The following ADGRL3 variants were observed in gnomAD, a reference collection of about 807,000 sequenced individuals.
ADGRL3 encodes the protein adhesion G protein-coupled receptor L3.
In ADGRL3, 62 loss-of-function variants were observed where a neutral mutation model predicts 153.5. That is an observed-to-expected ratio of 0.40 (90% CI 0.33 to 0.50). The LOEUF is 0.50. Ranked by LOEUF, ADGRL3 falls within the 20% of genes least tolerant of loss-of-function variation. The pLI is 0.47. For synonymous variants in ADGRL3, 710 were observed against 672.5 expected (o/e 1.06, Z -0.86); for missense variants, 1,641 against 1,859.4 (o/e 0.88, Z 2.16).
At chr4:61,344,508 T>C (rs1181687554) in intron 1 of ADGRL3, among the ~76,000 whole-genome samples, 2 of 152,184 alleles carry the variant, frequency 1.3e-5, no homozygotes, top group African/African-American at 4.8e-5. Flanking sequence ...TTCTGTCTAC[T>C]ATTCCCTTGA....
intron 2 of ADGRL3, among the ~76,000 whole-genome samples, chr4:61,447,534 G>T (rs570307461): frequency 6.6e-6 from 1 of 152,216 alleles, no homozygotes; most frequent in East Asian, 1.9e-4. Flanking sequence ...AGTGATTCAG[G>T]TTTGGTATAT....
intron 1 of ADGRL3, among the ~76,000 whole-genome samples, chr4:61,336,044 T>C (rs1399500554): frequency 6.6e-6 from 1 of 152,194 alleles, no homozygotes; most frequent in Non-Finnish European, 1.5e-5. Context: ...AAGTCATATA[T>C]ATATGGATAA....
intron 2 of ADGRL3, among the ~76,000 whole-genome samples, chr4:61,451,944 T>C (rs1460302918): frequency 1.3e-5 from 2 of 152,218 alleles, no homozygotes; most frequent in Non-Finnish European, 1.5e-5. Flanking sequence ...TTGTTATGTA[T>C]TGAACTTTGA....
chr4:61,869,936 TAAAAAA>T (rs1190618911), intron 9 of ADGRL3, among the ~76,000 whole-genome samples: 114 of 10,502 alleles, frequency 0.011, 1 homozygote, highest in Middle Eastern at 0.14. Context: ...AAAACTTTGT[TAAAAAA>T]AAAAAAAAAA....
intron 2 of ADGRL3, among the ~76,000 whole-genome samples, chr4:61,405,700 A>AT (rs1251076655): frequency 3.3e-5 from 5 of 151,904 alleles, no homozygotes; most frequent in Non-Finnish European, 7.4e-5. Flanking sequence ...GGAATCACAG[A>AT]TTTTTTACCC....
intron 1 of ADGRL3, among the ~76,000 whole-genome samples, chr4:61,362,996 TA>T (rs1368664743): frequency 6.6e-6 from 1 of 152,232 alleles, no homozygotes; most frequent in Non-Finnish European, 1.5e-5. Context: ...AAGCATACCA[TA>T]TTGACACCAA....
At chr4:61,755,492 T>G (rs2096816013) in intron 8 of ADGRL3, among the ~76,000 whole-genome samples, 1 of 152,214 alleles carries the variant, frequency 6.6e-6, no homozygotes, top group Non-Finnish European at 1.5e-5. Context: ...TAAATTTGTT[T>G]CAGTTCATTG....
chr4:61,302,885 G>A (rs2094626076), intron 1 of ADGRL3, among the ~76,000 whole-genome samples: 1 of 152,050 alleles, frequency 6.6e-6, no homozygotes, highest in African/African-American at 2.4e-5. Context: ...ATCAGGAATG[G>A]ATAAGAAAAT....
intron 17 of ADGRL3, among the ~76,000 whole-genome samples, chr4:61,969,760 G>T (rs1453399111): frequency 1.3e-5 from 2 of 152,106 alleles, no homozygotes; most frequent in Non-Finnish European, 2.9e-5. Flanking sequence ...CTGGTGTTAG[G>T]ATCACAGATC....
chr4:61,213,824 T>A (rs931506699), intron 1 of ADGRL3, among the ~76,000 whole-genome samples: 2 of 152,196 alleles, frequency 1.3e-5, no homozygotes, highest in Non-Finnish European at 2.9e-5. Flanking sequence ...ATCATGAATA[T>A]CCGAGTGCTG....
intron 4 of ADGRL3, among the ~76,000 whole-genome samples, chr4:61,563,796 T>A (rs1451258854): frequency 6.6e-6 from 1 of 151,970 alleles, no homozygotes; most frequent in Non-Finnish European, 1.5e-5. Context: ...GATCACAAGG[T>A]CAAGAAATTG....
intron 15 of ADGRL3, among the ~76,000 whole-genome samples, chr4:61,937,784 C>A (rs898568580): frequency 6.6e-6 from 1 of 152,300 alleles, no homozygotes; most frequent in Admixed American, 6.5e-5. Context: ...TATATACTCA[C>A]TACTTACGTA....
chr4:61,438,307 C>T (rs996944983), intron 2 of ADGRL3, among the ~76,000 whole-genome samples: 21 of 151,618 alleles, frequency 1.4e-4, no homozygotes, highest in African/African-American at 4.6e-4. Flanking sequence ...ATCACTTTCA[C>T]ATTAACCTGT....
chr4:61,507,810 C>A (rs1311286788), intron 3 of ADGRL3, among the ~76,000 whole-genome samples: 1 of 152,130 alleles, frequency 6.6e-6, no homozygotes, highest in Non-Finnish European at 1.5e-5. Flanking sequence ...ACAAAACAGA[C>A]CTCTGTCAAT....
intron 2 of ADGRL3, among the ~76,000 whole-genome samples, chr4:61,432,090 A>G (rs1009334156): frequency 7.2e-5 from 11 of 152,138 alleles, no homozygotes; most frequent in African/African-American, 2.7e-4. Context: ...TTTCTCCTGA[A>G]TTAGTGTAAG....
chr4:61,748,073 CAGAG>C (rs577192600), intron 8 of ADGRL3, among the ~76,000 whole-genome samples: 7 of 151,362 alleles, frequency 4.6e-5, no homozygotes, highest in Non-Finnish European at 1.0e-4. Flanking sequence ...AACAGACAAA[CAGAG>C]AGCCAAATCA....
intron 21 of ADGRL3, among the ~76,000 whole-genome samples, chr4:62,013,282 C>G (rs1205429008): frequency 6.6e-6 from 1 of 152,064 alleles, no homozygotes; most frequent in Non-Finnish European, 1.5e-5. Context: ...CGCTTGTATT[C>G]CCAGCACTTT....
intron 1 of ADGRL3, among the ~76,000 whole-genome samples, chr4:61,258,510 A>T (rs1305137568): frequency 6.6e-6 from 1 of 152,180 alleles, no homozygotes; most frequent in Non-Finnish European, 1.5e-5. Flanking sequence ...GGGCACTGCA[A>T]ATAGCATCTG....
chr4:61,486,988 C>T (rs2098202200), intron 2 of ADGRL3, among the ~76,000 whole-genome samples: 1 of 152,116 alleles, frequency 6.6e-6, no homozygotes, highest in Admixed American at 6.5e-5. Context: ...TATTGAAGGC[C>T]TGTTTACGGC....
Sources: gnomAD v4.1 joint callset for allele counts (sites outside exome capture counted in the v4.1 genomes callset) on GRCh38, gnomAD v4.1.1 for gene constraint, MANE v1.5 for transcripts, NCBI Gene and HGNC (gene_info 2026-07-23, HGNC 2026-07-21) for gene names.